The following MYO16 variants were observed in gnomAD, a reference collection of about 807,000 sequenced individuals.
MYO16 encodes unconventional myosin-XVI.
In MYO16, 94 loss-of-function variants were observed where a neutral mutation model predicts 205.3. That is an observed-to-expected ratio of 0.46 (90% confidence interval 0.39 to 0.54). MYO16 has a LOEUF of 0.54. Ranked by LOEUF, MYO16 falls within the 20% of genes least tolerant of loss-of-function variation. The probability of loss-of-function intolerance (pLI) is 0.00; values close to 1 mark genes in which losing one functional copy is unlikely to be tolerated. For missense variants in MYO16, 2,315 were observed against 2,387.5 expected, an observed-to-expected ratio of 0.97 and a Z score of 0.63; for synonymous variants, 988 against 954.0, an observed-to-expected ratio of 1.04 and a Z score of -0.66.
Position 108,629,808 on chromosome 13 carries a change from T to G in MYO16, c.-37T>G, listed in dbSNP as rs537413812. On this transcript the variant is annotated 5_prime_UTR_variant, in exon 1 of 35. Coordinates refer to ENST00000457511, the MANE Select transcript of MYO16 (RefSeq NM_001198950.3). The stretch of plus-strand genomic sequence containing the variant: ...CGACAGTTGTGACAGAAGAGAATGC[T>G]GGAACCCGTAGCAAGATTCCTGTCT... 1.3e-6 allele frequency: 2 copies of G among 1,521,962 alleles called. No individual in the cohort carries two copies. The highest frequency in any genetic ancestry group is 2.7e-5 in the African/African-American group (2 of 73,016). The allele number at this position is 1,521,962 out of a possible 1,614,324, so 94.3% of individuals were successfully genotyped here. A position where few individuals can be genotyped will look rare whatever the true frequency, so the allele number is the denominator to read the frequency against.
At chr13:108,565,679 C>T in the MYO16 span, among the ~76,000 whole-genome samples, 3 of 152,064 alleles carry the variant, frequency 2.0e-5, no homozygotes, top group Non-Finnish European at 2.9e-5. Context: ...TATCTTTTCT[C>T]GTGTCTGATT....
the MYO16 span, among the ~76,000 whole-genome samples, chr13:108,527,425 A>G: frequency 1.3e-5 from 2 of 152,156 alleles, no homozygotes; most frequent in African/African-American, 2.4e-5. Flanking sequence ...CAAATTCCCC[A>G]TATCAACAGC....
rs114201551 is a variant in MYO16, at chr13:108,656,265, T to G, written c.29-9621T>G. Among the ~76,000 whole-genome samples, 108 of 152,258 alleles carry G rather than the reference T, an allele frequency of 7.1e-4. 1 individual carries two copies. Among genetic ancestry groups the G allele is most frequent in the African/African-American group, 2.4e-3 (100 of 41,544 alleles). ...CGTGGTAGGGATTAATCTCAGGAGA[T>G]CTGATGGTTTTATCAGGGGTTTCCA... is the stretch of plus-strand genomic sequence containing the variant. On this transcript the variant is annotated intron_variant, in intron 1 of 34. Coordinates refer to ENST00000457511, the MANE Select transcript of MYO16 (RefSeq NM_001198950.3).
At chr13:109,186,895 G>A (rs1879711673) in intron 34 of MYO16, among the ~76,000 whole-genome samples, 1 of 152,164 alleles carries the variant, frequency 6.6e-6, no homozygotes, top group Non-Finnish European at 1.5e-5. Context: ...CCCTAGAAAT[G>A]GAAGTGCTAA....
At chr13:108,765,383 C>T (rs1382540244) in intron 4 of MYO16, among the ~76,000 whole-genome samples, 3 of 152,152 alleles carry the variant, frequency 2.0e-5, no homozygotes, top group Non-Finnish European at 4.4e-5. Context: ...CTTTTCACTT[C>T]AGATTTTTAT....
chr13:108,583,371 G>T, the MYO16 span, among the ~76,000 whole-genome samples: 1 of 152,162 alleles, frequency 6.6e-6, no homozygotes, highest in Non-Finnish European at 1.5e-5. Context: ...CCTGCATTTG[G>T]ATGCAAAGGG....
At chr13:109,082,948 A>G (rs1286197400) in intron 27 of MYO16, among the ~76,000 whole-genome samples, 1 of 152,224 alleles carries the variant, frequency 6.6e-6, no homozygotes, top group African/African-American at 2.4e-5. Context: ...ACATATCTAT[A>G]AGACAATTCT....
chr13:109,117,266 T>A (rs1875739593), intron 28 of MYO16, among the ~76,000 whole-genome samples: 1 of 151,938 alleles, frequency 6.6e-6, no homozygotes, highest in Admixed American at 6.6e-5. Context: ...CTTCTGTTCT[T>A]TTTTTCTAAT....
At chr13:108,643,820 A>C (rs1430228655) in intron 1 of MYO16, among the ~76,000 whole-genome samples, 1 of 152,214 alleles carries the variant, frequency 6.6e-6, no homozygotes, top group Non-Finnish European at 1.5e-5. Flanking sequence ...TCAGGTAAAC[A>C]CTTAAATACT....
chr13:108,801,044 A>T (rs1886955026), intron 6 of MYO16, among the ~76,000 whole-genome samples: 1 of 152,210 alleles, frequency 6.6e-6, no homozygotes, highest in Admixed American at 6.5e-5. Flanking sequence ...TTAAAGAGTG[A>T]GCAAAATTAA....
chr13:109,117,428 G>A (rs5806784), intron 28 of MYO16, among the ~76,000 whole-genome samples: 6 of 92,720 alleles, frequency 6.5e-5, no homozygotes, highest in Admixed American at 1.2e-4. Flanking sequence ...ATGTATATGT[G>A]TATATATATG....
rs187452430 is a variant in MYO16 at position 108,669,064 on chromosome 13, C to T, written c.292+2915C>T. ...AAACTCATGAGCATATAGATGATAC[C>T]GAAAACCCCAAAAGTGGTTGAAGTG... is the stretch of plus-strand genomic sequence containing the variant. On this transcript the variant is annotated intron_variant, in intron 2 of 34. Transcript: ENST00000457511. Among the ~76,000 whole-genome samples the T allele has an allele frequency of 8.6e-5, 13 of 151,986 alleles. No individual in the cohort carries two copies. In the East Asian group the frequency reaches 1.7e-3, roughly 20 times the overall value.
intron 12 of MYO16, among the ~76,000 whole-genome samples, chr13:108,879,555 C>T (rs1329833266): frequency 1.3e-5 from 2 of 152,102 alleles, no homozygotes; most frequent in Admixed American, 1.3e-4. Context: ...TGTTCCCCAC[C>T]CTGTGTCCAA....
chr13:108,868,231 C>A (rs196165), intron 12 of MYO16, among the ~76,000 whole-genome samples: 121,017 of 152,040 alleles, frequency 0.8, 48,279 homozygotes, highest in East Asian at 0.97. Flanking sequence ...CAATTTTCTG[C>A]GTGGTTGTAC....
At chr13:109,171,971 G>C (rs1273200942) in intron 33 of MYO16, among the ~76,000 whole-genome samples, 1 of 152,160 alleles carries the variant, frequency 6.6e-6, no homozygotes, top group Non-Finnish European at 1.5e-5. Context: ...TAAGGCAAAA[G>C]GTTGGGGGCC....
intron 2 of MYO16, among the ~76,000 whole-genome samples, chr13:108,711,948 C>A (rs764392126): frequency 6.6e-6 from 1 of 152,114 alleles, no homozygotes; most frequent in Non-Finnish European, 1.5e-5. Context: ...GATTGAAGAA[C>A]CTTTCTATGG....
intron 9 of MYO16, among the ~76,000 whole-genome samples, chr13:108,834,105 T>C (rs908918500): frequency 6.6e-6 from 1 of 152,150 alleles, no homozygotes; most frequent in Non-Finnish European, 1.5e-5. Context: ...AGAGAAGTTA[T>C]ACAGGAAAGA....
intron 15 of MYO16, among the ~76,000 whole-genome samples, chr13:108,902,205 A>G (rs578064987): frequency 6.6e-6 from 1 of 152,212 alleles, no homozygotes; most frequent in Admixed American, 6.5e-5. Context: ...GCCATGGAAC[A>G]TCCTCACGTC....
At chr13:108,516,688 A>G in the MYO16 span, among the ~76,000 whole-genome samples, 491 of 151,938 alleles carry the variant, frequency 3.2e-3, 2 homozygotes, top group African/African-American at 0.011. Context: ...TTATTTATTT[A>G]TTTTGCTTTT....
Sources: allele counts gnomAD v4.1 joint callset (sites outside exome capture counted in the v4.1 genomes callset), GRCh38; gene constraint gnomAD v4.1.1; transcripts MANE v1.5; gene names NCBI Gene and HGNC (gene_info 2026-07-23, HGNC 2026-07-21).